Variants in TANC2 observed in about 807,000 individuals in gnomAD.
TANC2 encodes tetratricopeptide repeat, ankyrin repeat and coiled-coil containing 2.
Under a neutral mutation model 210.5 loss-of-function variants are expected in TANC2, and 26 were observed. The ratio of observed to expected loss-of-function variants is 0.12; its 90% CI spans 0.09 to 0.17. The LOEUF (loss-of-function observed/expected upper bound fraction) is 0.17. Among genes scored for constraint, TANC2 ranks in the 10% least tolerant of loss-of-function variants. The pLI is 1.00. For synonymous variants in TANC2, 931 were observed against 967.1 expected (o/e 0.96, Z 0.69); for missense variants, 2,129 against 2,608.9 (o/e 0.82, Z 4.01).
chr17:63,284,658 G>A (rs77520120), intron 9 of TANC2, among the ~76,000 whole-genome samples: 3,330 of 151,556 alleles, frequency 0.022, 72 homozygotes, highest in Non-Finnish European at 0.033. Context: ...AATTTTTTAC[G>A]GCCCAAAATA....
At chr17:63,129,074 C>T (rs943873041) in intron 4 of TANC2, among the ~76,000 whole-genome samples, 7 of 152,078 alleles carry the variant, frequency 4.6e-5, no homozygotes, top group Admixed American at 3.3e-4. Context: ...CTGGATGGCT[C>T]ACACTGCAGC....
At chr17:63,264,142 A>G (rs1216478895) in intron 8 of TANC2, among the ~76,000 whole-genome samples, 1 of 152,224 alleles carries the variant, frequency 6.6e-6, no homozygotes, top group Non-Finnish European at 1.5e-5. Flanking sequence ...GGCAGAACCA[A>G]AAAAGACAAG....
intron 1 of TANC2, among the ~76,000 whole-genome samples, chr17:63,009,150 T>C (rs2033755637): frequency 6.6e-6 from 1 of 152,124 alleles, no homozygotes; most frequent in Non-Finnish European, 1.5e-5. Context: ...TTTTCATTTT[T>C]AATTATGGGT....
chr17:63,116,855 C>T (rs547565863), intron 4 of TANC2, among the ~76,000 whole-genome samples: 1 of 152,280 alleles, frequency 6.6e-6, no homozygotes, highest in African/African-American at 2.4e-5. Flanking sequence ...TATGGAGATA[C>T]TGCAGACCTA....
intron 4 of TANC2, among the ~76,000 whole-genome samples, chr17:63,139,634 G>A (rs1483842365): frequency 6.6e-6 from 1 of 152,048 alleles, no homozygotes; most frequent in African/African-American, 2.4e-5. Flanking sequence ...CACTGGGCGT[G>A]GTGGTTCATG....
chr17:63,094,224 CGTT>C (rs772282017), intron 3 of TANC2, among the ~76,000 whole-genome samples: 37 of 151,904 alleles, frequency 2.4e-4, no homozygotes, highest in Middle Eastern at 3.4e-3. Flanking sequence ...ATCCTATACT[CGTT>C]GTTAAACTTC....
chr17:63,343,479 C>G (rs887510063), intron 12 of TANC2, among the ~76,000 whole-genome samples: 5 of 152,200 alleles, frequency 3.3e-5, no homozygotes, highest in African/African-American at 9.7e-5. Flanking sequence ...CCCAACTGCT[C>G]TGGAGGCTGA....
chr17:63,290,233 G>T (rs2044345379), intron 9 of TANC2, among the ~76,000 whole-genome samples: 1 of 152,106 alleles, frequency 6.6e-6, no homozygotes, highest in Non-Finnish European at 1.5e-5. Flanking sequence ...AATGGTGGCG[G>T]CCCCCATCTC....
intron 4 of TANC2, among the ~76,000 whole-genome samples, chr17:63,130,513 CAA>C (rs879278996): frequency 1.6e-4 from 18 of 111,048 alleles, no homozygotes; most frequent in Admixed American, 1.9e-4. Flanking sequence ...CTCCATCTCA[CAA>C]AAAAAAAAAA....
At chr17:63,141,091 A>C (rs867313184) in intron 4 of TANC2, among the ~76,000 whole-genome samples, 11 of 152,198 alleles carry the variant, frequency 7.2e-5, no homozygotes, top group Admixed American at 2.6e-4. Flanking sequence ...ATTTGAAATC[A>C]AAATATCAGG....
At chr17:63,108,500 C>T (rs1364741296) in intron 4 of TANC2, among the ~76,000 whole-genome samples, 1 of 151,778 alleles carries the variant, frequency 6.6e-6, no homozygotes, top group Non-Finnish European at 1.5e-5. Flanking sequence ...TTTTCCAGCA[C>T]TTGTGAACTG....
intron 11 of TANC2, among the ~76,000 whole-genome samples, chr17:63,334,716 C>T (rs906176706): frequency 2.6e-5 from 4 of 152,180 alleles, no homozygotes; most frequent in African/African-American, 7.2e-5. Context: ...GTAGAAGAAC[C>T]TAGCAGAACC....
intron 11 of TANC2, among the ~76,000 whole-genome samples, chr17:63,339,321 T>C (rs796671200): frequency 5.3e-5 from 8 of 152,276 alleles, no homozygotes; most frequent in African/African-American, 1.7e-4. Context: ...CCCTTTGTAC[T>C]TGCCGTGGAG....
chr17:63,418,195 A>G lies in TANC2; in HGVS notation c.4168-112A>G. 1 of 1,101,958 alleles carries G rather than the reference A, an allele frequency of 9.1e-7. No homozygotes were observed. Among genetic ancestry groups the G allele is most frequent in the East Asian group, 2.6e-5 (1 of 38,612 alleles). 68.3% of individuals were successfully genotyped at this position (1,101,958 alleles called of 1,614,324 possible). ...CCATGTCAGGCACGTCTAGCGTCCC[A>G]GGCGTTCCATCCATGAATGTCAAAA... On this transcript the variant is annotated intron_variant, in intron 26 of 27. Transcript: ENST00000689528. This position sits in a 1 kb window ranked among gnomAD's most constrained non-coding sequence, Gnocchi z 4.6.
chr17:63,069,639 A>C (rs2036325067), intron 2 of TANC2, among the ~76,000 whole-genome samples: 1 of 152,198 alleles, frequency 6.6e-6, no homozygotes. Context: ...GTACATGAGT[A>C]TATATTCCCA....
Position 62,966,326 on chromosome 17 carries a change from C to T in TANC2, c.-447C>T, listed in dbSNP as rs1287092078. On this transcript the variant is annotated 5_prime_UTR_variant, in exon 1 of 28. Transcript: ENST00000689528. The surrounding 1 kb of genome is among the most constrained non-coding windows in gnomAD (Gnocchi z 5.1). ...GCACAGCCGCCTCGCGCGAGCCGCC[C>T]GCCCGGCGGGGGAAGCTGCGAGCGC... Among the ~76,000 whole-genome samples, 1 of 146,548 alleles carries T rather than the reference C, an allele frequency of 6.8e-6. No individual in the cohort carries two copies. Among genetic ancestry groups the T allele is most frequent in the Non-Finnish European group, 1.5e-5 (1 of 65,876 alleles).
intron 2 of TANC2, among the ~76,000 whole-genome samples, chr17:63,073,058 T>C (rs8072580): frequency 0.09 from 13,713 of 152,144 alleles, 1,028 homozygotes; most frequent in African/African-American, 0.21. Flanking sequence ...AGACAAGTGA[T>C]TGTATGAAAG....
intron 1 of TANC2, among the ~76,000 whole-genome samples, chr17:62,991,464 C>G (rs540901064): frequency 6.0e-4 from 91 of 151,808 alleles, no homozygotes; most frequent in African/African-American, 2.1e-3. Context: ...CGACGAAACC[C>G]CGTCTCTACT....
intron 1 of TANC2, among the ~76,000 whole-genome samples, chr17:62,993,242 C>T (rs2032954615): frequency 6.6e-6 from 1 of 152,150 alleles, no homozygotes; most frequent in South Asian, 2.1e-4. Flanking sequence ...AATGTGGTCA[C>T]CTTTGGGGAA....
Sources: allele counts gnomAD v4.1 joint callset (sites outside exome capture counted in the v4.1 genomes callset), GRCh38; gene constraint gnomAD v4.1.1; non-coding constraint Gnocchi (gnomAD v3.1); transcripts MANE v1.5; gene names NCBI Gene and HGNC (gene_info 2026-07-23, HGNC 2026-07-21).